The following TTC27 variants were observed in gnomAD, a reference collection of about 807,000 sequenced individuals.
TTC27 encodes the protein tetratricopeptide repeat domain 27, also known as tetratricopeptide repeat protein 27.
In TTC27, 79 loss-of-function variants were observed where a neutral mutation model predicts 115.9. The observed-to-expected ratio is 0.68, with a 90% CI of 0.57 to 0.82. The LOEUF (loss-of-function observed/expected upper bound fraction) is 0.82, where lower values mean the gene tolerates loss of function less well. Ranked by LOEUF, TTC27 falls within the 40% of genes least tolerant of loss-of-function variation. The pLI is 0.00. For missense variants in TTC27, 1,054 were observed against 993.1 expected (o/e 1.06, Z -0.82); for synonymous variants, 401 against 356.0 (o/e 1.13, Z -1.42).
intron 3 of TTC27, 107 bp downstream of exon 3, chr2:32,634,112 G>T: frequency 7.7e-7 from 1 of 1,297,794 alleles, no homozygotes; most frequent in Non-Finnish European, 1.0e-6. Flanking sequence ...ATGACTTTAT[G>T]GTTTGCACAA....
Position 32,767,653 on chromosome 2 carries a change from G to A in TTC27, c.1680+9134G>A, listed in dbSNP as rs1202496600. 6.2e-4 allele frequency among the ~76,000 whole-genome samples: 94 copies of A among 150,652 alleles called. 1 individual carries two copies. Among genetic ancestry groups the A allele is most frequent in the Non-Finnish European group, 7.4e-5 (5 of 67,730 alleles). On this transcript the variant is annotated intron_variant, in intron 13 of 19. Transcript: ENST00000317907. ...ATTTTTTGTATTTTTAGTAGAGACGGGGTTTCACCTTGTTAGCCAGGATGG... is the reference window on the plus strand; with the variant it reads ...ATTTTTTGTATTTTTAGTAGAGACGAGGTTTCACCTTGTTAGCCAGGATGG...
intron 10 of TTC27, among the ~76,000 whole-genome samples, chr2:32,707,438 G>A (rs1347006362): frequency 1.3e-5 from 2 of 152,024 alleles, no homozygotes; most frequent in Non-Finnish European, 2.9e-5. Flanking sequence ...CTGTTGCATC[G>A]GGCACCAAGT....
At chr2:32,806,069 TC>T (rs1198942060) in intron 16 of TTC27, among the ~76,000 whole-genome samples, 2 of 152,226 alleles carry the variant, frequency 1.3e-5, no homozygotes, top group Non-Finnish European at 2.9e-5. Context: ...GGGTCCTGTT[TC>T]CCCAAGAGTC....
chr2:32,655,064 A>C (rs532042558), intron 5 of TTC27, among the ~76,000 whole-genome samples: 2 of 148,046 alleles, frequency 1.4e-5, no homozygotes, highest in Admixed American at 6.7e-5. Context: ...CCTCGGCTCA[A>C]CTCAACCTCT....
intron 8 of TTC27, among the ~76,000 whole-genome samples, chr2:32,676,906 T>C (rs1345251843): frequency 2.6e-5 from 4 of 151,574 alleles, no homozygotes; most frequent in Admixed American, 2.0e-4. Context: ...CTTATATATA[T>C]TCCATATATA....
chr2:32,706,816 G>A (rs939287643), intron 10 of TTC27, among the ~76,000 whole-genome samples: 1 of 152,074 alleles, frequency 6.6e-6, no homozygotes, highest in Non-Finnish European at 1.5e-5. Context: ...CACCTGCCTC[G>A]ACCTCTCAAA....
intron 12 of TTC27, 142 bp downstream of exon 12, chr2:32,736,958 G>A: frequency 8.2e-7 from 1 of 1,213,546 alleles, no homozygotes; most frequent in Non-Finnish European, 1.1e-6. Context: ...ACTTTTAAAT[G>A]TTTTCTCTGA....
intron 16 of TTC27, among the ~76,000 whole-genome samples, chr2:32,806,145 AT>A (rs1671122425): frequency 6.6e-6 from 1 of 152,158 alleles, no homozygotes; most frequent in Non-Finnish European, 1.5e-5. Flanking sequence ...ATATGTAGTA[AT>A]TTATAGTTTT....
intron 12 of TTC27, among the ~76,000 whole-genome samples, chr2:32,754,051 C>G (rs564565603): frequency 2.7e-5 from 4 of 149,176 alleles, no homozygotes; most frequent in African/African-American, 9.9e-5. Flanking sequence ...CCAGCCTGGG[C>G]GACAGAAGCA....
In TTC27 at chr2:32,673,474, G is replaced by A. The variant is rs561794394; in HGVS notation, c.1052+1090G>A. Among the ~76,000 whole-genome samples the A allele has an allele frequency of 1.4e-4, 22 of 152,072 alleles. No individual in the cohort carries two copies. In the East Asian group the frequency reaches 1.9e-3, roughly 13 times the overall value. On this transcript the variant is annotated intron_variant, in intron 8 of 19. Coordinates refer to ENST00000317907, the MANE Select transcript of TTC27 (RefSeq NM_017735.5). ...ACTCCTGACCTCAGCTGATCCGCCCGCCTCGGCCTCCCAGAGTGCTGGGAT... is the reference window on the plus strand; with the variant it reads ...ACTCCTGACCTCAGCTGATCCGCCCACCTCGGCCTCCCAGAGTGCTGGGAT...
rs6720361 is a variant in TTC27 at position 32,681,712 on chromosome 2, C to T, written c.1119+2790C>T. On this transcript the variant is annotated intron_variant, in intron 9 of 19. Transcript: ENST00000317907. ...ATGATGTTTCCCAACTGTAGGCTAA[C>T]GTATTTAAGGCAGGCTAAGTTAAGC... is the stretch of plus-strand genomic sequence containing the variant. Among the ~76,000 whole-genome samples the T allele has an allele frequency of 5.2e-4, 76 of 146,388 alleles. No homozygotes were observed. The East Asian group carries it at 0.013, about 26-fold the overall frequency.
Position 32,640,274 on chromosome 2 carries a change from A to C in TTC27, c.401A>C (p.Lys134Thr). ...SVLFQQFSEV[K>T]GLDAFVLSLL... ...AGTTTATAATCCTTTTTTCAGGTTA[A>C]AGGACTGGATGCATTTGTTCTGAGC... The change falls in exon 4 of 20, where the codon AAA (lysine) becomes ACA (threonine). Residue 134 changes from lysine (K) to threonine (T), a missense_variant. Lys to Thr is a moderately conservative substitution (Grantham distance 78). Transcript: ENST00000317907. 2 of 1,612,280 alleles carry C rather than the reference A, an allele frequency of 1.2e-6. No individual in the cohort carries two copies. The highest frequency in any genetic ancestry group is 1.7e-6 in the Non-Finnish European group (2 of 1,179,552).
intron 9 of TTC27, among the ~76,000 whole-genome samples, chr2:32,681,829 T>C (rs1666435196): frequency 6.6e-6 from 1 of 152,106 alleles, no homozygotes; most frequent in Admixed American, 6.6e-5. Flanking sequence ...AACTCCATCA[T>C]ATGTTGAGGA....
At chr2:32,678,173 T>A (rs1666282879) in intron 8 of TTC27, among the ~76,000 whole-genome samples, 1 of 151,022 alleles carries the variant, frequency 6.6e-6, no homozygotes, top group Non-Finnish European at 1.5e-5. Flanking sequence ...GAGGATCCCT[T>A]GAACTCAGGA....
Position 32,817,450 on chromosome 2 carries a change from C to T in TTC27, c.2309-7C>T. 1.2e-6 allele frequency: 2 copies of T among 1,611,238 alleles called. No homozygotes were observed. Among genetic ancestry groups the T allele is most frequent in the Non-Finnish European group, 1.7e-6 (2 of 1,177,506 alleles). Reference sequence around the variant, plus strand: ...AATGGATGTTTCTCTCCATACTTATCTTCCAGTGGCCATAAAATGCAGTAA... The same window carrying T: ...AATGGATGTTTCTCTCCATACTTATTTTCCAGTGGCCATAAAATGCAGTAA... On this transcript the variant is annotated splice_polypyrimidine_tract_variant and splice_region_variant and intron_variant, in intron 18 of 19. Transcript: ENST00000317907.
At chr2:32,705,604 G>A (rs1201802051) in intron 10 of TTC27, among the ~76,000 whole-genome samples, 1 of 152,134 alleles carries the variant, frequency 6.6e-6, no homozygotes, top group Non-Finnish European at 1.5e-5. Context: ...TGGTTGGAGT[G>A]CAGTGGTGTG....
chr2:32,642,543 G>A (rs146530275), intron 4 of TTC27, among the ~76,000 whole-genome samples: 140 of 152,138 alleles, frequency 9.2e-4, no homozygotes, highest in Middle Eastern at 3.4e-3. Flanking sequence ...ATGAGCCACC[G>A]CACCTGGCCT....
chr2:32,665,937 A>G (rs982972950), intron 6 of TTC27, among the ~76,000 whole-genome samples: 5 of 152,262 alleles, frequency 3.3e-5, no homozygotes, highest in East Asian at 3.9e-4. Context: ...GTATCAAACA[A>G]TTTCAGTGGC....
At chr2:32,759,701 A>T (rs1239795556) in intron 13 of TTC27, among the ~76,000 whole-genome samples, 4 of 152,200 alleles carry the variant, frequency 2.6e-5, no homozygotes, top group Admixed American at 1.3e-4. Flanking sequence ...CCAAAACTCT[A>T]TACTCATTAA....
Sources: allele counts gnomAD v4.1 joint callset (sites outside exome capture counted in the v4.1 genomes callset), GRCh38; gene constraint gnomAD v4.1.1; transcripts MANE v1.5; gene names NCBI Gene and HGNC (gene_info 2026-07-23, HGNC 2026-07-21).